Variants in PPM1E observed in about 807,000 individuals in gnomAD.
PPM1E encodes protein phosphatase, Mg2+/Mn2+ dependent 1E.
A neutral mutation model predicts 65.9 loss-of-function variants in PPM1E; 20 were observed. The observed-to-expected ratio is 0.30, with a 90% CI of 0.21 to 0.44. The LOEUF is 0.44. PPM1E is among the 20% of genes least tolerant of loss of function. The pLI is 1.00. For synonymous variants in PPM1E, 352 were observed against 374.9 expected (o/e 0.94, Z 0.70); for missense variants, 713 against 953.1 (o/e 0.75, Z 3.32).
intron 1 of PPM1E, among the ~76,000 whole-genome samples, chr17:58,760,390 A>G (rs563629634): frequency 6.6e-6 from 1 of 152,242 alleles, no homozygotes; most frequent in South Asian, 2.1e-4. Flanking sequence ...CCAAAACCTG[A>G]TACTCTTTCT....
At chr17:58,947,033 A>G (rs1217300802) in intron 1 of PPM1E, among the ~76,000 whole-genome samples, 4 of 138,296 alleles carry the variant, frequency 2.9e-5, no homozygotes, top group Non-Finnish European at 4.6e-5. Flanking sequence ...CAACTTGATT[A>G]TTTTGCATGT....
At chr17:58,896,262 A>G (rs988302836) in intron 1 of PPM1E, among the ~76,000 whole-genome samples, 3 of 152,274 alleles carry the variant, frequency 2.0e-5, no homozygotes, top group East Asian at 1.9e-4. Flanking sequence ...ACTCTCTTCA[A>G]TTGTACAAAG....
intron 1 of PPM1E, among the ~76,000 whole-genome samples, chr17:58,871,447 G>C (rs758423247): frequency 2.4e-4 from 37 of 152,216 alleles, no homozygotes; most frequent in Non-Finnish European, 4.9e-4. Flanking sequence ...CTTTCAGTTG[G>C]CAAGAACAGT....
rs201816613 is a variant in PPM1E at position 58,951,673 on chromosome 17, TA to T, written c.465-3959del. Among the ~76,000 whole-genome samples the T allele has an allele frequency of 3.6e-3, 471 of 129,642 alleles. 1 individual carries two copies. The highest frequency in any genetic ancestry group is 5.7e-3 in the East Asian group (26 of 4,554). 85.1% of individuals were successfully genotyped at this position (129,642 alleles called of 152,430 possible). ...CTGGGCAACAGAGTGAGACTCTCTT[TA>T]AAAAAAAAAAAAAAAAGAAAGAAAA... On this transcript the variant is annotated intron_variant, in intron 1 of 6. Coordinates refer to ENST00000308249, the MANE Select transcript of PPM1E (RefSeq NM_014906.5).
rs780992600 is a variant in PPM1E at position 58,792,743 on chromosome 17, C to CTTTTTTTTTTTT, written c.464+36300_464+36311dup. On this transcript the variant is annotated intron_variant, in intron 1 of 6. Coordinates refer to ENST00000308249, the MANE Select transcript of PPM1E (RefSeq NM_014906.5). Reference sequence around the variant, plus strand: ...TATTTTATTTTATAAGAATTTTACTCTTTTTTTTTTTTTTTTTTTTTTTTT... The same window carrying CTTTTTTTTTTTT: ...TATTTTATTTTATAAGAATTTTACTCTTTTTTTTTTTTTTTTTTTTTTTTTTTTTTTTTTTTT... 6.8e-4 allele frequency among the ~76,000 whole-genome samples: 52 copies of CTTTTTTTTTTTT among 76,380 alleles called. 5 individuals carry two copies. Among genetic ancestry groups the CTTTTTTTTTTTT allele is most frequent in the East Asian group, 9.4e-4 (2 of 2,134 alleles). The allele number at this position is 76,380 out of a possible 152,430, so 50.1% of individuals were successfully genotyped here. A position where few individuals can be genotyped will look rare whatever the true frequency, so the allele number is the denominator to read the frequency against.
intron 1 of PPM1E, among the ~76,000 whole-genome samples, chr17:58,859,905 C>G (rs550487642): frequency 6.6e-6 from 1 of 152,158 alleles, no homozygotes; most frequent in South Asian, 2.1e-4. Flanking sequence ...CCTGATTCAT[C>G]TGGGATATAG....
intron 1 of PPM1E, among the ~76,000 whole-genome samples, chr17:58,873,896 C>T (rs1372040495): frequency 1.3e-5 from 2 of 151,678 alleles, no homozygotes; most frequent in African/African-American, 4.8e-5. Context: ...CGTGCCCGGC[C>T]TAGTGTTAAT....
chr17:58,938,144 G>A (rs2052011309), intron 1 of PPM1E, among the ~76,000 whole-genome samples: 1 of 152,088 alleles, frequency 6.6e-6, no homozygotes, highest in Non-Finnish European at 1.5e-5. Context: ...CTTTTAAGCT[G>A]CCTTTGTCCC....
intron 1 of PPM1E, among the ~76,000 whole-genome samples, chr17:58,909,788 T>G (rs1260141660): frequency 2.6e-5 from 4 of 152,218 alleles, no homozygotes; most frequent in East Asian, 1.9e-4. Flanking sequence ...ACAGGGTTTT[T>G]GTTTTTGTTT....
chr17:58,865,964 T>C (rs1342340621), intron 1 of PPM1E, among the ~76,000 whole-genome samples: 2 of 152,194 alleles, frequency 1.3e-5, no homozygotes, highest in East Asian at 1.9e-4. Flanking sequence ...GATTGCCAGG[T>C]AGTTTTAAAC....
At chr17:58,878,110 ATTACT>A (rs925287189) in intron 1 of PPM1E, among the ~76,000 whole-genome samples, 2 of 152,206 alleles carry the variant, frequency 1.3e-5, no homozygotes, top group African/African-American at 4.8e-5. Flanking sequence ...GTGGCTTTAC[ATTACT>A]TAGTTGTTTG....
intron 1 of PPM1E, among the ~76,000 whole-genome samples, chr17:58,940,727 A>G (rs1434076352): frequency 1.3e-5 from 2 of 151,062 alleles, no homozygotes; most frequent in African/African-American, 4.9e-5. Context: ...TTTTTTTTTG[A>G]GACAGCCTCA....
chr17:58,831,903 T>C (rs796266789), intron 1 of PPM1E, among the ~76,000 whole-genome samples: 9 of 152,368 alleles, frequency 5.9e-5, no homozygotes, highest in African/African-American at 2.2e-4. Context: ...TCTGCTATTT[T>C]GAATCAGAAG....
chr17:58,917,245 A>T (rs1185936550), intron 1 of PPM1E, among the ~76,000 whole-genome samples: 1 of 151,810 alleles, frequency 6.6e-6, no homozygotes, highest in African/African-American at 2.4e-5. Context: ...ATCTGTATTC[A>T]TTGAAAATTA....
At chr17:58,884,944 T>G (rs894556579) in intron 1 of PPM1E, among the ~76,000 whole-genome samples, 62 of 152,308 alleles carry the variant, frequency 4.1e-4, no homozygotes, top group African/African-American at 1.4e-3. Flanking sequence ...ATTAATCTCC[T>G]TAGATTTATC....
Position 58,894,734 on chromosome 17 carries a change from A to G in PPM1E, c.465-60915A>G, listed in dbSNP as rs528808648. On this transcript the variant is annotated intron_variant, in intron 1 of 6. Coordinates refer to ENST00000308249, the MANE Select transcript of PPM1E (RefSeq NM_014906.5). ...CATTATTTAAATATATTAAACCATT[A>G]TAATTGTTTAATGTTTTTTTAATAA... Among the ~76,000 whole-genome samples the G allele has an allele frequency of 3.3e-5, 5 of 152,258 alleles. No individual in the cohort carries two copies. The South Asian group carries it at 1.0e-3, about 32-fold the overall frequency.
intron 1 of PPM1E, among the ~76,000 whole-genome samples, chr17:58,891,913 G>A (rs1257569292): frequency 7.8e-6 from 1 of 127,600 alleles, no homozygotes; most frequent in Non-Finnish European, 1.5e-5. Flanking sequence ...TCAGTTCACT[G>A]CAACCTGCAC....
At chr17:58,958,720 A>G (rs1045443750) in intron 2 of PPM1E, among the ~76,000 whole-genome samples, 1 of 152,090 alleles carries the variant, frequency 6.6e-6, no homozygotes, top group Non-Finnish European at 1.5e-5. Flanking sequence ...GTGACTCTAC[A>G]AGTGAGGTGA....
At chr17:58,914,940 G>T (rs749348170) in intron 1 of PPM1E, among the ~76,000 whole-genome samples, 3 of 151,992 alleles carry the variant, frequency 2.0e-5, no homozygotes, top group Non-Finnish European at 2.9e-5. Flanking sequence ...GTGTCCATAT[G>T]GGGGAGAGGA....
Sources: gnomAD v4.1 joint callset for allele counts (sites outside exome capture counted in the v4.1 genomes callset) on GRCh38, gnomAD v4.1.1 for gene constraint, MANE v1.5 for transcripts, NCBI Gene and HGNC (gene_info 2026-07-23, HGNC 2026-07-21) for gene names.